The following TOM1L2 variants were observed in gnomAD, a reference collection of about 807,000 sequenced individuals.
TOM1L2 encodes target of myb1 like 2 membrane trafficking protein.
Under a neutral mutation model 67.9 loss-of-function variants are expected in TOM1L2, and 31 were observed. That is an observed-to-expected ratio of 0.46 (90% CI 0.34 to 0.62). The LOEUF (loss-of-function observed/expected upper bound fraction) is 0.62, where lower values mean the gene tolerates loss of function less well. Ranked by LOEUF, TOM1L2 falls within the 20% of genes least tolerant of loss-of-function variation. The probability of loss-of-function intolerance (pLI) is 0.01; values close to 1 mark genes in which losing one functional copy is unlikely to be tolerated. For missense variants in TOM1L2, 606 were observed against 663.5 expected (o/e 0.91, Z 0.95); for synonymous variants, 256 against 254.0 (o/e 1.01, Z -0.07).
At chr17:17,941,760 CCTCA>C in intron 1 of TOM1L2, among the ~76,000 whole-genome samples, 2 of 152,330 alleles carry the variant, frequency 1.3e-5, no homozygotes, top group East Asian at 1.9e-4. Flanking sequence ...CCTGTCCATG[CCTCA>C]CTAACTCGGC....
intron 4 of TOM1L2, among the ~76,000 whole-genome samples, chr17:17,886,894 A>T (rs1056212861): frequency 4.6e-5 from 7 of 152,208 alleles, no homozygotes; most frequent in African/African-American, 1.4e-4. Context: ...CCTTCCAGGA[A>T]CTCAGCAGCA....
At chr17:17,905,586 T>C (rs2039055400) in intron 2 of TOM1L2, among the ~76,000 whole-genome samples, 3 of 152,206 alleles carry the variant, frequency 2.0e-5, no homozygotes, top group Admixed American at 6.5e-5. Context: ...TCGCCCAGGC[T>C]AGAATGCAGT....
At chr17:17,899,656 C>T (rs2144307622) in intron 2 of TOM1L2, among the ~76,000 whole-genome samples, 2 of 152,330 alleles carry the variant, frequency 1.3e-5, no homozygotes, top group South Asian at 4.1e-4. Flanking sequence ...CCTGTGCTGA[C>T]CTGACCCATC....
chr17:17,934,555 T>C (rs2040446566), intron 1 of TOM1L2, among the ~76,000 whole-genome samples: 1 of 152,250 alleles, frequency 6.6e-6, no homozygotes, highest in East Asian at 1.9e-4. Flanking sequence ...AGAGTAATTA[T>C]GTCTTACTGT....
chr17:17,947,172 G>A (rs2040987539), intron 1 of TOM1L2, among the ~76,000 whole-genome samples: 1 of 152,126 alleles, frequency 6.6e-6, no homozygotes, highest in Admixed American at 6.5e-5. Context: ...AATAGGAAGA[G>A]CTACTACCAT....
chr17:17,927,488 A>G (rs1300751030), intron 1 of TOM1L2, among the ~76,000 whole-genome samples: 2 of 152,216 alleles, frequency 1.3e-5, no homozygotes, highest in Non-Finnish European at 2.9e-5. Context: ...AATGTGATAC[A>G]TCAAGGGAAA....
chr17:17,912,434 C>T (rs1200459099), intron 1 of TOM1L2, among the ~76,000 whole-genome samples: 2 of 147,380 alleles, frequency 1.4e-5, no homozygotes, highest in East Asian at 4.1e-4. Flanking sequence ...TCAGACGGGG[C>T]GGTTGCCAGG....
chr17:17,871,632 C>A (rs771142793), intron 7 of TOM1L2, among the ~76,000 whole-genome samples: 3 of 152,216 alleles, frequency 2.0e-5, no homozygotes, highest in Admixed American at 6.5e-5. Flanking sequence ...GATTGCACTA[C>A]TGCACTCCAG....
At chr17:17,942,319 G>C (rs1268756625) in intron 1 of TOM1L2, among the ~76,000 whole-genome samples, 1 of 152,092 alleles carries the variant, frequency 6.6e-6, no homozygotes, top group South Asian at 2.1e-4. Flanking sequence ...GGGGGCCTTG[G>C]GGTCAGGCAG....
intron 1 of TOM1L2, among the ~76,000 whole-genome samples, chr17:17,968,959 A>C (rs888629322): frequency 2.0e-5 from 3 of 149,434 alleles, no homozygotes; most frequent in African/African-American, 7.4e-5. Flanking sequence ...CTCCTTCAGC[A>C]CTTACAATCT....
chr17:17,871,904 G>A (rs1016410934), intron 7 of TOM1L2: 8 of 849,960 alleles, frequency 9.4e-6, no homozygotes, highest in African/African-American at 7.3e-5. Flanking sequence ...AGGTGAATAC[G>A]GGATCTTAAT....
chr17:17,893,592 A>T (rs1031973752), intron 4 of TOM1L2, 69 bp downstream of exon 4: 3 of 1,417,592 alleles, frequency 2.1e-6, no homozygotes, highest in Non-Finnish European at 2.9e-6. Context: ...GTGGGAGAGC[A>T]TGAGGACTCA....
intron 1 of TOM1L2, among the ~76,000 whole-genome samples, chr17:17,945,689 G>A (rs985454056): frequency 6.6e-6 from 1 of 151,934 alleles, no homozygotes; most frequent in Non-Finnish European, 1.5e-5. Context: ...GACTTTCTCT[G>A]CATAGCTATA....
At chr17:17,855,962 GA>G (rs5819629) in intron 12 of TOM1L2, among the ~76,000 whole-genome samples, 66,224 of 144,734 alleles carry the variant, frequency 0.46, 17,455 homozygotes, top group Non-Finnish European at 0.63. Context: ...TTGTTGTAAA[GA>G]AAAAAAAAAA....
rs926339998 is a variant in TOM1L2 at position 17,850,795 on chromosome 17, AG to A, written c.1338+97del. 6.9e-6 allele frequency: 9 copies of A among 1,307,458 alleles called. No individual in the cohort carries two copies. In the African/African-American group the frequency reaches 1.0e-4, roughly 15 times the overall value. 81.0% of individuals were successfully genotyped at this position (1,307,458 alleles called of 1,614,324 possible). Reference sequence around the variant, plus strand: ...ACCTCCCTTCTCCACTGACCCAGACAGGGGTGGAGCCCCTGCTGATGCTCCC... The same window carrying A: ...ACCTCCCTTCTCCACTGACCCAGACAGGGTGGAGCCCCTGCTGATGCTCCC... On this transcript the variant is annotated intron_variant, in intron 13 of 14. Coordinates refer to ENST00000379504, the MANE Select transcript of TOM1L2 (RefSeq NM_001082968.2).
chr17:17,958,519 C>A (rs2041557842), intron 1 of TOM1L2, among the ~76,000 whole-genome samples: 1 of 152,162 alleles, frequency 6.6e-6, no homozygotes. Context: ...AAAATTTCCA[C>A]TCCATTAAAA....
chr17:17,972,242 T>G lies in TOM1L2; in HGVS notation c.52+20A>C. 1 of 1,549,324 alleles carries G rather than the reference T, an allele frequency of 6.5e-7. No homozygotes were observed. Among genetic ancestry groups the G allele is most frequent in the Non-Finnish European group, 8.7e-7 (1 of 1,146,986 alleles). On this transcript the variant is annotated intron_variant, in intron 1 of 14. Coordinates refer to ENST00000379504, the MANE Select transcript of TOM1L2 (RefSeq NM_001082968.2). ...CAGCGGCCGCCGTTGCCCAGCCTCC[T>G]GCCCCACACGCGGCCTTACCGAGGC...
At chr17:17,920,511 T>C (rs962283190) in intron 1 of TOM1L2, among the ~76,000 whole-genome samples, 2 of 151,928 alleles carry the variant, frequency 1.3e-5, no homozygotes, top group Non-Finnish European at 2.9e-5. Context: ...AGCTAATTTG[T>C]GTATTTTTAG....
chr17:17,912,993 G>A (rs1015361622), intron 1 of TOM1L2, among the ~76,000 whole-genome samples: 2 of 152,228 alleles, frequency 1.3e-5, no homozygotes, highest in Non-Finnish European at 2.9e-5. Flanking sequence ...AGACCGGCCA[G>A]GCCAACACAG....
Sources: gnomAD v4.1 joint callset for allele counts (sites outside exome capture counted in the v4.1 genomes callset) on GRCh38, gnomAD v4.1.1 for gene constraint, MANE v1.5 for transcripts, NCBI Gene and HGNC (gene_info 2026-07-23, HGNC 2026-07-21) for gene names.